TRAK1: variants seen among roughly 807,000 people sequenced by gnomAD.
TRAK1 encodes the protein trafficking kinesin protein 1.
Under a neutral mutation model 92.1 loss-of-function variants are expected in TRAK1, and 33 were observed. That is an observed-to-expected ratio of 0.36 (90% CI 0.27 to 0.48). The LOEUF is 0.48. Ranked by LOEUF, TRAK1 falls within the 20% of genes least tolerant of loss-of-function variation. TRAK1 has a pLI of 0.99. For synonymous variants in TRAK1, 521 were observed against 517.3 expected (o/e 1.01, Z -0.10); for missense variants, 1,123 against 1,257.9 (o/e 0.89, Z 1.62).
intron 14 of TRAK1, among the ~76,000 whole-genome samples, chr3:42,213,016 T>C (rs1233819970): frequency 1.3e-5 from 2 of 151,434 alleles, no homozygotes; most frequent in African/African-American, 2.4e-5. Flanking sequence ...TACCTGGCAG[T>C]GGCCCTGCAG....
intron 1 of TRAK1, among the ~76,000 whole-genome samples, chr3:42,073,327 A>C (rs1022554912): frequency 4.6e-5 from 7 of 152,090 alleles, no homozygotes; most frequent in Non-Finnish European, 4.4e-5. Context: ...AATCTTTCTT[A>C]TTCTGTGGGT....
intron 2 of TRAK1, among the ~76,000 whole-genome samples, chr3:42,128,716 C>T (rs1710910754): frequency 6.6e-6 from 1 of 152,184 alleles, no homozygotes; most frequent in South Asian, 2.1e-4. Flanking sequence ...GTAGAAATCA[C>T]AGATATTTTC....
At chr3:42,216,420 T>C (rs1172397208) in intron 14 of TRAK1, among the ~76,000 whole-genome samples, 4 of 152,098 alleles carry the variant, frequency 2.6e-5, no homozygotes, top group Non-Finnish European at 1.5e-5. Flanking sequence ...CAAGCATACC[T>C]ACTCCAGGCA....
chr3:42,181,518 TG>T (rs1704001429), intron 3 of TRAK1, among the ~76,000 whole-genome samples: 1 of 152,186 alleles, frequency 6.6e-6, no homozygotes. Context: ...CACTCCAGCC[TG>T]GGCGACAGAT....
At chr3:42,117,307 C>A (rs1709286962) in intron 1 of TRAK1, among the ~76,000 whole-genome samples, 1 of 152,022 alleles carries the variant, frequency 6.6e-6, no homozygotes, top group Admixed American at 6.6e-5. Flanking sequence ...GCTGGGCGTC[C>A]TTTCTCCAAA....
At chr3:42,020,434 A>T (rs971710146) in intron 1 of TRAK1, among the ~76,000 whole-genome samples, 2 of 152,038 alleles carry the variant, frequency 1.3e-5, no homozygotes, top group African/African-American at 4.8e-5. Context: ...TCTTTTGCTC[A>T]ATGTTTTGTC....
chr3:42,209,738 C>A (rs757171549), intron 13 of TRAK1, 29 bp from the exon 14 acceptor site: 1 of 1,601,616 alleles, frequency 6.2e-7, no homozygotes, highest in Non-Finnish European at 8.5e-7. Context: ...CTCCTTGTCC[C>A]CCTTCTTCCC....
intron 1 of TRAK1, among the ~76,000 whole-genome samples, chr3:42,035,138 T>C (rs896990597): frequency 6.6e-6 from 1 of 152,212 alleles, no homozygotes; most frequent in African/African-American, 2.4e-5. Context: ...AACCACCTTC[T>C]AGTCCTGGCA....
intron 1 of TRAK1, among the ~76,000 whole-genome samples, chr3:42,020,967 A>AGAAATT (rs1701700837): frequency 6.6e-6 from 1 of 152,172 alleles, no homozygotes. Flanking sequence ...AGAATTTCAA[A>AGAAATT]CCTGGGAAGA....
intron 1 of TRAK1, among the ~76,000 whole-genome samples, chr3:42,106,856 T>C (rs9867406): frequency 0.041 from 6,190 of 152,316 alleles, 433 homozygotes; most frequent in African/African-American, 0.14. Context: ...AAAGTAACCA[T>C]TGTTCATTTT....
intron 6 of TRAK1, 97 bp from the exon 7 acceptor site, chr3:42,191,461 C>A (rs1302425720): frequency 9.1e-7 from 1 of 1,097,700 alleles, no homozygotes; most frequent in African/African-American, 1.6e-5. Flanking sequence ...GGGCAGCTTC[C>A]CAGACCCCAG....
chr3:42,059,053 T>C (rs1703318829), intron 1 of TRAK1, among the ~76,000 whole-genome samples: 1 of 152,152 alleles, frequency 6.6e-6, no homozygotes, highest in South Asian at 2.1e-4. Flanking sequence ...TACACACAAA[T>C]ATACATACGT....
At chr3:42,195,030 T>C (rs1476026304) in intron 10 of TRAK1, 89 bp downstream of exon 10, 1 of 1,507,690 alleles carries the variant, frequency 6.6e-7, no homozygotes, top group South Asian at 1.3e-5. Flanking sequence ...TGGAGTTGGG[T>C]GTTCACAGTT....
intron 13 of TRAK1, chr3:42,203,421 CAG>C (rs1707927650): frequency 1.0e-6 from 1 of 984,584 alleles, no homozygotes; most frequent in Admixed American, 6.2e-5. Context: ...GTGTTAGTAT[CAG>C]GGGCATCTCA....
intron 1 of TRAK1, among the ~76,000 whole-genome samples, chr3:42,061,939 G>A (rs555881417): frequency 2.6e-5 from 4 of 152,188 alleles, no homozygotes; most frequent in Non-Finnish European, 5.9e-5. Context: ...GGGAAACCAC[G>A]CCCTTCTAGG....
At chr3:42,047,200 C>CTTTT (rs561224807) in intron 1 of TRAK1, among the ~76,000 whole-genome samples, 5 of 107,152 alleles carry the variant, frequency 4.7e-5, no homozygotes, top group Admixed American at 1.1e-4. Context: ...AAAAACTGAT[C>CTTTT]TTTTTTTTTT....
intron 6 of TRAK1, among the ~76,000 whole-genome samples, chr3:42,189,561 C>T (rs2149415924): frequency 6.6e-6 from 1 of 152,114 alleles, no homozygotes; most frequent in African/African-American, 2.4e-5. Flanking sequence ...GAGATGGAGT[C>T]TCGCTATGTC....
chr3:42,190,808 C>T (rs1705612152), intron 6 of TRAK1, among the ~76,000 whole-genome samples: 2 of 152,040 alleles, frequency 1.3e-5, no homozygotes. Context: ...TCCCTCCCTC[C>T]CTCCATGGGA....
chr3:42,203,618 C>T, intron 13 of TRAK1: 1 of 984,822 alleles, frequency 1.0e-6, no homozygotes, highest in Non-Finnish European at 1.2e-6. Context: ...GTTTGGAAAG[C>T]CATATACGTT....
Sources: allele counts gnomAD v4.1 joint callset (sites outside exome capture counted in the v4.1 genomes callset), GRCh38; gene constraint gnomAD v4.1.1; transcripts MANE v1.5; gene names NCBI Gene and HGNC (gene_info 2026-07-23, HGNC 2026-07-21).